STOX1: variants seen among roughly 807,000 people sequenced by gnomAD.
The protein encoded by STOX1 is storkhead-box protein 1.
Under a neutral mutation model 74.8 loss-of-function variants are expected in STOX1, and 57 were observed. The observed-to-expected ratio is 0.76, with a 90% CI of 0.62 to 0.95. STOX1 has a LOEUF of 0.95. Ranked by LOEUF, STOX1 falls within the 40% of genes least tolerant of loss-of-function variation. STOX1 has a pLI of 0.00. For missense variants in STOX1, 1,010 were observed against 1,117.0 expected, an observed-to-expected ratio of 0.90 and a Z score of 1.37; for synonymous variants, 375 against 401.3, an observed-to-expected ratio of 0.93 and a Z score of 0.78.
chr10:68,839,419 C>T (rs974991382), intron 1 of STOX1, among the ~76,000 whole-genome samples: 7 of 152,132 alleles, frequency 4.6e-5, no homozygotes, highest in South Asian at 2.1e-4. Flanking sequence ...GACAGGGTCT[C>T]GCTCTTTTGC....
intron 1 of STOX1, among the ~76,000 whole-genome samples, chr10:68,866,255 A>G (rs375267484): frequency 1.0e-3 from 153 of 152,250 alleles, no homozygotes; most frequent in African/African-American, 3.5e-3. Context: ...GATATACTTC[A>G]GGGGCTTTAC....
intron 3 of STOX1, among the ~76,000 whole-genome samples, chr10:68,891,710 G>A (rs1841102488): frequency 6.6e-6 from 1 of 151,696 alleles, no homozygotes; most frequent in Admixed American, 6.6e-5. Flanking sequence ...GCTGAGGCAG[G>A]AGAATCACTT....
In STOX1 at chr10:68,881,963, G is replaced by A. The variant is rs568325547; in HGVS notation, c.316G>A (p.Val106Ile). 11 of 1,612,702 alleles carry A rather than the reference G, an allele frequency of 6.8e-6. No homozygotes were observed. The highest frequency in any genetic ancestry group is 6.7e-5 in the East Asian group (3 of 44,712). The change falls in exon 2 of 4, where the codon GTC becomes ATC. Residue 106 changes from valine to isoleucine, a missense_variant. Val to Ile is a conservative substitution (Grantham distance 29, BLOSUM62 3). Transcript: ENST00000298596. ...RGFRIRAVGD[V>I]FPVQMNPITQ... ...TTTTTAAATCTCCAATTTAGGTGAT[G>A]TCTTTCCAGTGCAAATGAATCCAAT... is the stretch of plus-strand genomic sequence containing the variant.
chr10:68,891,434 C>T (rs757602810), intron 3 of STOX1, among the ~76,000 whole-genome samples: 1 of 152,164 alleles, frequency 6.6e-6, no homozygotes, highest in South Asian at 2.1e-4. Context: ...ACTTATTAGA[C>T]GAAATATGTT....
At chr10:68,893,488 G>T (rs1164816045), downstream of STOX1, among the ~76,000 whole-genome samples, 1 of 152,200 alleles carries the variant, frequency 6.6e-6, no homozygotes, top group Admixed American at 6.5e-5. Flanking sequence ...CACAATCTCG[G>T]CTCACTGCAA....
intron 1 of STOX1, among the ~76,000 whole-genome samples, chr10:68,842,671 C>T (rs1472607543): frequency 7.3e-5 from 11 of 151,170 alleles, no homozygotes; most frequent in African/African-American, 2.7e-4. Flanking sequence ...TCCCGAGTAG[C>T]GGGGATCATG....
At chr10:68,859,648 A>G (rs1272591769) in intron 1 of STOX1, among the ~76,000 whole-genome samples, 1 of 152,108 alleles carries the variant, frequency 6.6e-6, no homozygotes, top group African/African-American at 2.4e-5. Context: ...AGGAGGCAAT[A>G]AATGCCTAAT....
chr10:68,873,649 T>G (rs1372584731), intron 1 of STOX1, among the ~76,000 whole-genome samples: 3 of 144,282 alleles, frequency 2.1e-5, no homozygotes, highest in South Asian at 2.2e-4. Flanking sequence ...TTCTTTTTTT[T>G]TCTTTTTTTT....
chr10:68,852,897 C>T (rs1840024686), intron 1 of STOX1, among the ~76,000 whole-genome samples: 2 of 151,718 alleles, frequency 1.3e-5, no homozygotes, highest in African/African-American at 4.9e-5. Flanking sequence ...GAGTATATTT[C>T]TTACTACCTG....
intron 1 of STOX1, among the ~76,000 whole-genome samples, chr10:68,845,196 A>G (rs1650887090): frequency 6.6e-6 from 1 of 151,420 alleles, no homozygotes; most frequent in South Asian, 2.1e-4. Flanking sequence ...TCAACCTCCC[A>G]AGGCTCAGGT....
Position 68,886,052 on chromosome 10 carries a change from G to A in STOX1, c.2256G>A (p.Leu752=). 13 of 1,614,216 alleles carry A rather than the reference G, an allele frequency of 8.1e-6. No individual in the cohort carries two copies. Among genetic ancestry groups the A allele is most frequent in the Non-Finnish European group, 9.3e-6 (11 of 1,180,046 alleles). The part of the protein sequence containing the change: ...ISENDDLRQM[L]PGHSQYSFTG... ...AGAATGACGACTTACGTCAAATGCT[G>A]CCTGGCCACAGTCAGTATTCCTTCA... The change falls in exon 3 of 4, where the codon CTG becomes CTA. Residue 752 remains leucine (L), a synonymous_variant. Transcript: ENST00000298596.
intron 1 of STOX1, among the ~76,000 whole-genome samples, chr10:68,847,969 G>T (rs1839894584): frequency 6.6e-6 from 1 of 152,176 alleles, no homozygotes; most frequent in African/African-American, 2.4e-5. Context: ...GACCTCAGGT[G>T]ATCTGCCCGC....
At chr10:68,873,958 G>C (rs1408024809) in intron 1 of STOX1, among the ~76,000 whole-genome samples, 1 of 86,436 alleles carries the variant, frequency 1.2e-5, no homozygotes, top group Non-Finnish European at 2.3e-5. Flanking sequence ...GTTTTTGTTT[G>C]TTTTTTGTTT....
At chr10:68,876,328 G>T (rs1288726511) in intron 1 of STOX1, among the ~76,000 whole-genome samples, 2 of 151,696 alleles carry the variant, frequency 1.3e-5, no homozygotes, top group Non-Finnish European at 2.9e-5. Context: ...AGCTAATTTT[G>T]TATTTTTAGT....
At chr10:68,830,792 A>C (rs1290732280) in intron 1 of STOX1, among the ~76,000 whole-genome samples, 1 of 152,154 alleles carries the variant, frequency 6.6e-6, no homozygotes, top group African/African-American at 2.4e-5. Context: ...TTGAGGAGCA[A>C]AATGGAGAAA....
At chr10:68,866,188 G>C (rs1194704225) in intron 1 of STOX1, among the ~76,000 whole-genome samples, 2 of 152,034 alleles carry the variant, frequency 1.3e-5, no homozygotes, top group African/African-American at 2.4e-5. Flanking sequence ...GTTATAGTTG[G>C]TTGAATAGTC....
At chr10:68,849,037 C>T (rs150511789) in intron 1 of STOX1, among the ~76,000 whole-genome samples, 3 of 152,332 alleles carry the variant, frequency 2.0e-5, no homozygotes, top group African/African-American at 7.2e-5. Flanking sequence ...CCACGTCTGG[C>T]ATCTCAGGCT....
At chr10:68,875,362 G>A (rs1315831724) in intron 1 of STOX1, among the ~76,000 whole-genome samples, 2 of 152,186 alleles carry the variant, frequency 1.3e-5, no homozygotes, top group East Asian at 1.9e-4. Flanking sequence ...AGGGCCCCTG[G>A]TTGAAGATCT....
chr10:68,869,744 GTTGT>G (rs1249128457), intron 1 of STOX1, among the ~76,000 whole-genome samples: 1 of 152,330 alleles, frequency 6.6e-6, no homozygotes, highest in African/African-American at 2.4e-5. Flanking sequence ...AAACTAGGTA[GTTGT>G]TTGTTATAGA....
Sources: gnomAD v4.1 joint callset for allele counts (sites outside exome capture counted in the v4.1 genomes callset) on GRCh38, gnomAD v4.1.1 for gene constraint, MANE v1.5 for transcripts, NCBI Gene and HGNC (gene_info 2026-07-23, HGNC 2026-07-21) for gene names.